Variants in SRCIN1 observed in about 807,000 individuals in gnomAD.
SRCIN1 encodes the protein P130Cas-associated protein.
SRCIN1 carries 50 observed loss-of-function variants against 116.2 expected under a neutral mutation model. That is an observed-to-expected ratio of 0.43 (90% CI 0.34 to 0.54). The LOEUF is 0.54. Ranked by LOEUF, SRCIN1 falls within the 20% of genes least tolerant of loss-of-function variation. SRCIN1 has a pLI of 0.02. For missense variants in SRCIN1, 1,446 were observed against 1,672.0 expected (o/e 0.86, Z 2.36); for synonymous variants, 736 against 750.0 (o/e 0.98, Z 0.30).
In SRCIN1 at chr17:38,552,653, A is replaced by G; in HGVS notation, c.2333-59T>C. 1.2e-6 allele frequency: 2 copies of G among 1,613,052 alleles called. No homozygotes were observed. The highest frequency in any genetic ancestry group is 4.5e-5 in the East Asian group (2 of 44,874). ...AGGGAGCACCACAGACTGGGAGGAG[A>G]GGATGGTGGCTGGAGTATGGCAGAC... On this transcript the variant is annotated intron_variant, in intron 12 of 18. Coordinates refer to ENST00000617146, the MANE Select transcript of SRCIN1 (RefSeq NM_025248.3). The surrounding 1 kb of genome is among the most constrained non-coding windows in gnomAD (Gnocchi z 5.3).
chr17:38,593,626 T>G (rs1908561782), intron 1 of SRCIN1, among the ~76,000 whole-genome samples: 1 of 152,118 alleles, frequency 6.6e-6, no homozygotes, highest in Admixed American at 6.5e-5. Context: ...AACTAACACT[T>G]GTACAATGCA....
Position 38,531,612 on chromosome 17 carries a change from CT to C in SRCIN1, c.*1684del, listed in dbSNP as rs1160514748. 1.0e-5 allele frequency: 1 copy of C among 100,298 alleles called. No homozygotes were observed. The highest frequency in any genetic ancestry group is 2.1e-5 in the Non-Finnish European group (1 of 47,888). The allele number at this position is 100,298 out of a possible 1,614,324, so 6.2% of individuals were successfully genotyped here. ...TTCCAGGAGGGATTTTTTTTTTCCT[CT>C]TTTGTTATTTTTCAAAAAGGCTTGC... On this transcript the variant is annotated 3_prime_UTR_variant, in exon 19 of 19. Coordinates refer to ENST00000617146, the MANE Select transcript of SRCIN1 (RefSeq NM_025248.3).
chr17:38,533,118 C>A lies in SRCIN1; in HGVS notation c.*179G>T, dbSNP rs1444231525. ...GTTAAAAAAAAAAAAAAAAACAAAACCAAAAACACCAACAGATGATGGGTA... is the reference window on the plus strand; with the variant it reads ...GTTAAAAAAAAAAAAAAAAACAAAAACAAAAACACCAACAGATGATGGGTA... On this transcript the variant is annotated 3_prime_UTR_variant, in exon 19 of 19. Transcript: ENST00000617146. 1.2e-3 allele frequency: 459 copies of A among 379,842 alleles called. 1 individual carries two copies. Among genetic ancestry groups the A allele is most frequent in the South Asian group, 1.6e-3 (11 of 6,874 alleles). The allele number at this position is 379,842 out of a possible 1,614,324, so 23.5% of individuals were successfully genotyped here. A position where few individuals can be genotyped will look rare whatever the true frequency, so the allele number is the denominator to read the frequency against.
rs538349320 is a variant in SRCIN1, at chr17:38,564,316, G to A, written c.346-3C>T. Reference sequence around the variant, plus strand: ...TGAGTGTGGCGTGAGCTGCGGGTCTGCAGGGGCCGGGCAGGGTGAGAGGAA... The same window carrying A: ...TGAGTGTGGCGTGAGCTGCGGGTCTACAGGGGCCGGGCAGGGTGAGAGGAA... On this transcript the variant is annotated splice_region_variant and splice_polypyrimidine_tract_variant and intron_variant, in intron 3 of 18. Transcript: ENST00000617146. 31 of 1,545,272 alleles carry A rather than the reference G, an allele frequency of 2.0e-5. No individual in the cohort carries two copies. The African/African-American group carries it at 2.9e-4, about 14-fold the overall frequency.
intron 16 of SRCIN1, among the ~76,000 whole-genome samples, 170 bp downstream of exon 16, chr17:38,548,886 A>T (rs1474670831): frequency 6.6e-6 from 1 of 152,126 alleles, no homozygotes; most frequent in Admixed American, 6.5e-5. Context: ...GCAAATACAC[A>T]TACCTAGAAT....
Position 38,578,608 on chromosome 17 carries a change from C to T in SRCIN1, c.206G>A (p.Ser69Asn), listed in dbSNP as rs1431314108. ...GTCGGCGTCCGCCTTCTGGAGCCCG[C>T]TGAGCGCCTCCAGACTCTGGGCCGC... Reference protein sequence around the residue: ...VIAAQSLEALSGLQKADADRK... With the variant: ...VIAAQSLEALNGLQKADADRK... Residue 69 changes from serine to asparagine, a missense_variant, in exon 2 of 19, where the codon AGC (serine) becomes AAC (asparagine). Ser to Asn is a conservative substitution (Grantham distance 46). Around this residue, in one of 5 missense-constraint regions of SRCIN1, gnomAD observed 246 missense variants for 265.1 expected, o/e 0.93. Transcript: ENST00000617146. The T allele has an allele frequency of 6.2e-7, 1 of 1,610,306 alleles. No individual in the cohort carries two copies. The highest frequency in any genetic ancestry group is 8.5e-7 in the Non-Finnish European group (1 of 1,178,524).
At position 38,540,772 on chromosome 17, in the gene SRCIN1, T is replaced by TGTGAGA. The variant is rs60254439; in HGVS notation, c.3417+3050_3417+3051insTCTCAC. On this transcript the variant is annotated intron_variant, in intron 18 of 18. Coordinates refer to ENST00000617146, the MANE Select transcript of SRCIN1 (RefSeq NM_025248.3). ...GTGTGTGTGTGTGTGTGTGTGTGTGTGACACACACAGAGACAATCAAATCT... is the reference window on the plus strand; with the variant it reads ...GTGTGTGTGTGTGTGTGTGTGTGTGTGTGAGAGACACACACAGAGACAATCAAATCT... Among the ~76,000 whole-genome samples the TGTGAGA allele has an allele frequency of 4.2e-3, 632 of 149,302 alleles. 4 individuals are homozygous for TGTGAGA. Among genetic ancestry groups the TGTGAGA allele is most frequent in the African/African-American group, 0.015 (614 of 40,470 alleles).
In SRCIN1 at chr17:38,578,516, C is replaced by T. The variant is rs1907572736; in HGVS notation, c.298G>A (p.Gly100Ser). 1.3e-6 allele frequency: 2 copies of T among 1,592,742 alleles called. No individual in the cohort carries two copies. The highest frequency in any genetic ancestry group is 2.3e-5 in the East Asian group (1 of 44,214). Residue 100 changes from glycine to serine, a missense_variant, in exon 2 of 19, where the codon GGC becomes AGC. Gly to Ser is a moderately conservative substitution (Grantham distance 56). Around this residue, in one of 5 missense-constraint regions of SRCIN1, gnomAD observed 246 missense variants for 265.1 expected, o/e 0.93. Transcript: ENST00000617146. ...KYPQHALALR[G>S]QQDRMREQPN... Reference sequence around the variant, plus strand: ...TGCTCTCGCATCCTGTCCTGCTGGCCTCGCAGGGCCAGGGCGTGCTGTGGG... The same window carrying T: ...TGCTCTCGCATCCTGTCCTGCTGGCTTCGCAGGGCCAGGGCGTGCTGTGGG...
At position 38,572,220 on chromosome 17, in the gene SRCIN1, A is replaced by G. The variant is rs1484815687; in HGVS notation, c.325-3989T>C. Among the ~76,000 whole-genome samples the G allele has an allele frequency of 6.6e-6, 1 of 152,202 alleles. No individual in the cohort carries two copies. Among genetic ancestry groups the G allele is most frequent in the Non-Finnish European group, 1.5e-5 (1 of 68,026 alleles). ...AACTCCCATGAACACGAGTCAGCGTAAACACTCGTCCCCCGGGCTGGGGCT... is the reference window on the plus strand; with the variant it reads ...AACTCCCATGAACACGAGTCAGCGTGAACACTCGTCCCCCGGGCTGGGGCT... On this transcript the variant is annotated intron_variant, in intron 2 of 18. Coordinates refer to ENST00000617146, the MANE Select transcript of SRCIN1 (RefSeq NM_025248.3). This position sits in a 1 kb window ranked among gnomAD's most constrained non-coding sequence, Gnocchi z 4.3.
intron 1 of SRCIN1, among the ~76,000 whole-genome samples, chr17:38,600,078 C>G (rs1908938882): frequency 6.6e-6 from 1 of 152,178 alleles, no homozygotes; most frequent in Non-Finnish European, 1.5e-5. Context: ...ATTCCAGGAT[C>G]AGAAACGAAT....
At chr17:38,582,126 A>C (rs936194467) in intron 1 of SRCIN1, among the ~76,000 whole-genome samples, 2 of 152,150 alleles carry the variant, frequency 1.3e-5, no homozygotes, top group African/African-American at 4.8e-5. Context: ...CTGCCCTCCT[A>C]GGGCTCAGGA....
At chr17:38,605,652 G>A in intron 1 of SRCIN1, 32 bp downstream of exon 1, 1 of 1,378,416 alleles carries the variant, frequency 7.3e-7, no homozygotes, top group Non-Finnish European at 9.5e-7. Context: ...AAGCATGGAG[G>A]CACATTAGGG....
At chr17:38,536,845 T>C (rs529769754) in intron 18 of SRCIN1, among the ~76,000 whole-genome samples, 1 of 152,258 alleles carries the variant, frequency 6.6e-6, no homozygotes, top group East Asian at 1.9e-4. Context: ...AGATAAGAGG[T>C]GTGGTCTGTT....
chr17:38,558,183 C>T lies in SRCIN1; in HGVS notation c.2201+44G>A. Reference sequence around the variant, plus strand: ...AGGGAAACCAGGTTGCGGGTCACTCCAGCCGCACCCCCACCCCTCCCTCCG... The same window carrying T: ...AGGGAAACCAGGTTGCGGGTCACTCTAGCCGCACCCCCACCCCTCCCTCCG... On this transcript the variant is annotated intron_variant, in intron 11 of 18. Transcript: ENST00000617146. The surrounding 1 kb of genome is among the most constrained non-coding windows in gnomAD (Gnocchi z 4.6). The T allele has an allele frequency of 6.3e-7, 1 of 1,597,832 alleles. No individual in the cohort carries two copies.
intron 15 of SRCIN1, 106 bp from the exon 16 acceptor site, chr17:38,549,316 C>G: frequency 8.4e-7 from 1 of 1,183,624 alleles, no homozygotes; most frequent in Non-Finnish European, 1.1e-6. Context: ...CAGGGAGGAC[C>G]AGGAGGAGGT....
At chr17:38,587,144 TGGCAGAAGGGCCATTCCACCCAGAAG>T (rs1908157333) in intron 1 of SRCIN1, among the ~76,000 whole-genome samples, 1 of 151,948 alleles carries the variant, frequency 6.6e-6, no homozygotes, top group Non-Finnish European at 1.5e-5. Context: ...GCCTCCCTTA[TGGCAGAAGGGCCATTCCACCCAGAAG>T]GGCAGAATTG....
chr17:38,549,307 A>C, intron 15 of SRCIN1, 97 bp from the exon 16 acceptor site: 1 of 1,225,538 alleles, frequency 8.2e-7, no homozygotes, highest in Non-Finnish European at 1.1e-6. Context: ...TTCTTCCTCC[A>C]GGGAGGACCA....
At chr17:38,547,753 C>G in intron 17 of SRCIN1, 1 of 320,598 alleles carries the variant, frequency 3.1e-6, no homozygotes, top group Non-Finnish European at 6.2e-6. Context: ...GCAGCAGCCC[C>G]GTTACCTTCC....
In SRCIN1 at chr17:38,563,559, G is replaced by T. The variant is rs1484834974; in HGVS notation, c.542-38C>A. ...CGCCGCCCTCGCTGTCACTGCTGCC[G>T]TCTCCACGCCGCCCTCCAGGAGAGC... On this transcript the variant is annotated intron_variant, in intron 4 of 18. Coordinates refer to ENST00000617146, the MANE Select transcript of SRCIN1 (RefSeq NM_025248.3). This position sits in a 1 kb window ranked among gnomAD's most constrained non-coding sequence, Gnocchi z 5.8. The T allele has an allele frequency of 1.3e-6, 2 of 1,540,166 alleles. No homozygotes were observed. The highest frequency in any genetic ancestry group is 4.9e-5 in the East Asian group (2 of 40,898).
Sources: gnomAD v4.1 joint callset for allele counts (sites outside exome capture counted in the v4.1 genomes callset) on GRCh38, gnomAD v4.1.1 for gene constraint, gnomAD v4.1.1 regional missense constraint, Gnocchi (gnomAD v3.1) non-coding constraint, MANE v1.5 for transcripts, NCBI Gene and HGNC (gene_info 2026-07-23, HGNC 2026-07-21) for gene names.